The following ASIC4 variants were observed in gnomAD, a reference collection of about 807,000 sequenced individuals.
ASIC4 encodes the protein acid sensing ion channel subunit family member 4.
ASIC4 carries 28 observed loss-of-function variants against 53.4 expected under a neutral mutation model. That is an observed-to-expected ratio of 0.52 (90% CI 0.39 to 0.72). The LOEUF (loss-of-function observed/expected upper bound fraction) is 0.72, where lower values mean the gene tolerates loss of function less well. Ranked by LOEUF, ASIC4 falls within the 30% of genes least tolerant of loss-of-function variation. The pLI is 0.00. For synonymous variants in ASIC4, 289 were observed against 301.4 expected (o/e 0.96, Z 0.43); for missense variants, 649 against 729.7 (o/e 0.89, Z 1.27).
chr2:219,532,104 C>G lies in ASIC4; in HGVS notation c.831C>G (p.Thr277=). ...LGFGVSPGFQ[T]FVSCQEQRLT... Reference sequence around the variant, plus strand: ...TCGGGGTGTCCCCAGGCTTCCAGACCTTTGTGTCCTGCCAGGAACAGCGGG... The same window carrying G: ...TCGGGGTGTCCCCAGGCTTCCAGACGTTTGTGTCCTGCCAGGAACAGCGGG... The change falls in exon 3 of 10, where the codon ACC becomes ACG. Residue 277 remains threonine (T), a synonymous_variant. Coordinates refer to ENST00000358078, the MANE Select transcript of ASIC4 (RefSeq NM_018674.6). 6.2e-7 allele frequency: 1 copy of G among 1,614,220 alleles called. No homozygotes were observed. Among genetic ancestry groups the G allele is most frequent in the Non-Finnish European group, 8.5e-7 (1 of 1,180,028 alleles).
rs1470570399 is a variant in ASIC4 at position 219,515,317 on chromosome 2, C to T, written c.582+11C>T. ...AGCAACTTCTCTGTGGTGAGTTCTG[C>T]CAGCTGGGCTGCCTGGCCTTGGATG... On this transcript the variant is annotated intron_variant, in intron 1 of 9. Coordinates refer to ENST00000358078, the MANE Select transcript of ASIC4 (RefSeq NM_018674.6). The T allele has an allele frequency of 6.3e-7, 1 of 1,599,716 alleles. No individual in the cohort carries two copies. The highest frequency in any genetic ancestry group is 1.7e-5 in the Admixed American group (1 of 59,474).
chr2:219,518,053 C>T lies in ASIC4; in HGVS notation c.582+2747C>T, dbSNP rs1275438202. ...TACCACTGCAATCGCTCTCCCCCCA[C>T]GCTCCCTAATATCCCTTCATGCACT... On this transcript the variant is annotated intron_variant, in intron 1 of 9. Transcript: ENST00000358078. The surrounding 1 kb of genome is among the most constrained non-coding windows in gnomAD (Gnocchi z 4.8). 2.0e-5 allele frequency among the ~76,000 whole-genome samples: 3 copies of T among 152,150 alleles called. No individual in the cohort carries two copies. Among genetic ancestry groups the T allele is most frequent in the Non-Finnish European group, 4.4e-5 (3 of 68,026 alleles).
In ASIC4 at chr2:219,537,652, G is replaced by A. The variant is rs766125289; in HGVS notation, c.1422G>A (p.Lys474=). 4.3e-6 allele frequency: 7 copies of A among 1,613,360 alleles called. No homozygotes were observed. In the East Asian group the frequency reaches 1.1e-4, roughly 26 times the overall value. The change falls in exon 9 of 10, where the codon AAG becomes AAA. Residue 474 remains lysine (K), a synonymous_variant. Coordinates refer to ENST00000358078, the MANE Select transcript of ASIC4 (RefSeq NM_018674.6). The surrounding 1 kb of genome is among the most constrained non-coding windows in gnomAD (Gnocchi z 4.9). ...YIYEVSWDRL[K]RVWRRPKTPL... ...CCAAGGTGTCCTGGGATCGACTGAAGCGGGTATGGAGGCGTCCCAAGACCC... is the reference window on the plus strand; with the variant it reads ...CCAAGGTGTCCTGGGATCGACTGAAACGGGTATGGAGGCGTCCCAAGACCC...
rs199764933 is a variant in ASIC4 at position 219,524,354 on chromosome 2, A to G, written c.583-7404A>G. Among the ~76,000 whole-genome samples the G allele has an allele frequency of 1.1e-4, 17 of 152,382 alleles. No individual in the cohort carries two copies. The East Asian group carries it at 2.5e-3, about 22-fold the overall frequency. ...ACTGTGTGCCAAGTGTATGTCACAC[A>G]GTGGCTATGGGTGGACTCCAGGGCC... On this transcript the variant is annotated intron_variant, in intron 1 of 9. Coordinates refer to ENST00000358078, the MANE Select transcript of ASIC4 (RefSeq NM_018674.6).
chr2:219,525,482 GTCCACTTCTGAA>G (rs1281056920), intron 1 of ASIC4, among the ~76,000 whole-genome samples: 4 of 152,192 alleles, frequency 2.6e-5, no homozygotes, highest in Admixed American at 2.0e-4. Flanking sequence ...TGAACCTGGG[GTCCACTTCTGAA>G]TCTGCACCTG....
Position 219,525,839 on chromosome 2 carries a change from G to C in ASIC4, c.583-5919G>C, listed in dbSNP as rs147773840. ...AAGAATTCATTCCAGGGGTACCTAA[G>C]AGAGAGGCATGGGGGTGGACCCCAT... On this transcript the variant is annotated intron_variant, in intron 1 of 9. Coordinates refer to ENST00000358078, the MANE Select transcript of ASIC4 (RefSeq NM_018674.6). Among the ~76,000 whole-genome samples, 272 of 152,328 alleles carry C rather than the reference G, an allele frequency of 1.8e-3. 2 individuals are homozygous for C. The highest frequency in any genetic ancestry group is 6.3e-3 in the African/African-American group (261 of 41,574).
intron 1 of ASIC4, 54 bp from the exon 2 acceptor site, chr2:219,531,704 T>C: frequency 6.6e-7 from 1 of 1,526,332 alleles, no homozygotes; most frequent in Non-Finnish European, 8.8e-7. Flanking sequence ...AACTTCGGAG[T>C]TGCCTTGGCC....
At chr2:219,522,998 C>T (rs1694912126) in intron 1 of ASIC4, among the ~76,000 whole-genome samples, 1 of 152,066 alleles carries the variant, frequency 6.6e-6, no homozygotes, top group Admixed American at 6.5e-5. Flanking sequence ...GCGGGTGGGC[C>T]AGGCCTGGGC....
At chr2:219,511,344 G>T (rs966592456), upstream of ASIC4, among the ~76,000 whole-genome samples, 1 of 151,872 alleles carries the variant, frequency 6.6e-6, no homozygotes, top group South Asian at 2.1e-4. The surrounding 1 kb of genome is among the most constrained non-coding windows in gnomAD (Gnocchi z 5.3). Flanking sequence ...GGAACCTTGA[G>T]CCAGAAACCC....
chr2:219,516,474 A>G lies in ASIC4; in HGVS notation c.582+1168A>G, dbSNP rs1349829720. On this transcript the variant is annotated intron_variant, in intron 1 of 9. Transcript: ENST00000358078. This position sits in a 1 kb window ranked among gnomAD's most constrained non-coding sequence, Gnocchi z 4.9. ...TACACTGCCTGTCTGTCAGGGCTCCATTCACCCATAGTCACAGGGTATCTA... is the reference window on the plus strand; with the variant it reads ...TACACTGCCTGTCTGTCAGGGCTCCGTTCACCCATAGTCACAGGGTATCTA... Among the ~76,000 whole-genome samples, 1 of 150,886 alleles carries G rather than the reference A, an allele frequency of 6.6e-6. No individual in the cohort carries two copies.
chr2:219,535,438 T>TGTATGTGGGTGTGG (rs1204034673), intron 6 of ASIC4, 114 bp downstream of exon 6: 1 of 818,272 alleles, frequency 1.2e-6, no homozygotes, highest in Non-Finnish European at 1.7e-6. Context: ...TGTATGTGTT[T>TGTATGTGGGTGTGG]GTGTGTATGT....
At chr2:219,519,710 C>T (rs962638117) in intron 1 of ASIC4, among the ~76,000 whole-genome samples, 8 of 152,212 alleles carry the variant, frequency 5.3e-5, no homozygotes, top group Non-Finnish European at 8.8e-5. Context: ...TATAGGCTGC[C>T]GTGTTGGACA....
At chr2:219,511,600 C>A (rs1694702564), upstream of ASIC4, among the ~76,000 whole-genome samples, 1 of 152,182 alleles carries the variant, frequency 6.6e-6, no homozygotes, top group African/African-American at 2.4e-5. The surrounding 1 kb of genome is among the most constrained non-coding windows in gnomAD (Gnocchi z 5.3). Flanking sequence ...CCCGGCACTC[C>A]CAGTCCAGGG....
intron 6 of ASIC4, 152 bp downstream of exon 6, chr2:219,535,476 G>A (rs1253602212): frequency 6.8e-6 from 6 of 885,260 alleles, no homozygotes; most frequent in South Asian, 1.8e-5. Flanking sequence ...TGTGTGGGGT[G>A]TATGTGGGTG....
intron 1 of ASIC4, among the ~76,000 whole-genome samples, chr2:219,519,490 A>G (rs1694853251): frequency 6.6e-6 from 1 of 152,112 alleles, no homozygotes; most frequent in Non-Finnish European, 1.5e-5. Flanking sequence ...CCAGCCCTCC[A>G]AAATATGCAT....
At chr2:219,521,235 C>T (rs1026200953) in intron 1 of ASIC4, among the ~76,000 whole-genome samples, 1 of 152,218 alleles carries the variant, frequency 6.6e-6, no homozygotes, top group African/African-American at 2.4e-5. Context: ...GGGACATGCC[C>T]CACCCAGCCC....
chr2:219,520,034 G>C (rs1172310903), intron 1 of ASIC4, among the ~76,000 whole-genome samples: 7 of 152,064 alleles, frequency 4.6e-5, no homozygotes, highest in Admixed American at 4.6e-4. Flanking sequence ...ACCCTGAGGA[G>C]GCATGGGTAG....
At chr2:219,513,235 C>T (rs1266197905), upstream of ASIC4, among the ~76,000 whole-genome samples, 1 of 152,106 alleles carries the variant, frequency 6.6e-6, no homozygotes, top group Non-Finnish European at 1.5e-5. Flanking sequence ...ATTAATCAGC[C>T]CCCCTTTCCT....
chr2:219,515,016 C>G lies in ASIC4; in HGVS notation c.292C>G (p.Leu98Val). The G allele has an allele frequency of 6.2e-7, 1 of 1,613,478 alleles. No individual in the cohort carries two copies. The highest frequency in any genetic ancestry group is 8.5e-7 in the Non-Finnish European group (1 of 1,179,910). The stretch of plus-strand genomic sequence containing the variant: ...CCGGGGCTACCTGACCCGGCCTCAC[C>G]TGGTGGCAATGGACCCCGCTGCCCC... ...LARGYLTRPH[L>V]VAMDPAAPAP... The change falls in exon 1 of 10, where the codon CTG becomes GTG. Residue 98 changes from leucine (L) to valine (V), a missense_variant. Transcript: ENST00000358078.
Sources: allele counts gnomAD v4.1 joint callset (sites outside exome capture counted in the v4.1 genomes callset), GRCh38; gene constraint gnomAD v4.1.1; non-coding constraint Gnocchi (gnomAD v3.1); transcripts MANE v1.5; gene names NCBI Gene and HGNC (gene_info 2026-07-23, HGNC 2026-07-21).